NPY1R: variants seen among roughly 807,000 people sequenced by gnomAD.
The protein encoded by NPY1R is neuropeptide Y receptor type 1.
NPY1R carries 10 observed loss-of-function variants against 24.1 expected under a neutral mutation model. The ratio of observed to expected loss-of-function variants is 0.42; its 90% CI spans 0.26 to 0.71. NPY1R has a LOEUF of 0.71. Ranked by LOEUF, NPY1R falls within the 30% of genes least tolerant of loss-of-function variation. The pLI is 0.28. For missense variants in NPY1R, 350 were observed against 458.0 expected, an observed-to-expected ratio of 0.76 and a Z score of 2.15; for synonymous variants, 168 against 165.9, an observed-to-expected ratio of 1.01 and a Z score of -0.10.
chr4:163,342,981 G>GACACACAC (rs142715363), intron 1 of NPY1R, among the ~76,000 whole-genome samples: 1 of 139,138 alleles, frequency 7.2e-6, no homozygotes, highest in South Asian at 2.5e-4. Flanking sequence ...CTCTCTCACA[G>GACACACAC]ACACACACAC....
chr4:163,326,185 T>C lies in NPY1R; in HGVS notation c.370A>G (p.Ile124Val), dbSNP rs748609830. 1.2e-6 allele frequency: 2 copies of C among 1,614,130 alleles called. No individual in the cohort carries two copies. Among genetic ancestry groups the C allele is most frequent in the Middle Eastern group, 1.6e-4 (1 of 6,062 alleles). The change falls in exon 2 of 3, where the codon ATC (isoleucine) becomes GTC (valine). Residue 124 changes from isoleucine to valine, a missense_variant. Coordinates refer to ENST00000296533, the MANE Select transcript of NPY1R (RefSeq NM_000909.6). ...ACCAGAGAGAAAATGGACACAGTGA[T>C]TGAAACACATTGCACAAAAGGATTC... ...KLNPFVQCVSITVSIFSLVLI... is the reference protein window; with the variant it reads ...KLNPFVQCVSVTVSIFSLVLI...
At chr4:163,343,108 A>T (rs538359611) in intron 1 of NPY1R, among the ~76,000 whole-genome samples, 2 of 152,076 alleles carry the variant, frequency 1.3e-5, no homozygotes, top group East Asian at 3.9e-4. Flanking sequence ...TTAGGGATGG[A>T]AATCATGTTG....
At chr4:163,329,545 G>A (rs1197150466) in intron 1 of NPY1R, among the ~76,000 whole-genome samples, 2 of 151,546 alleles carry the variant, frequency 1.3e-5, no homozygotes, top group Non-Finnish European at 1.5e-5. Flanking sequence ...AGGTTGCAGT[G>A]AGCCAAGTTC....
At chr4:163,328,437 T>A (rs1244485129) in intron 1 of NPY1R, among the ~76,000 whole-genome samples, 1 of 152,266 alleles carries the variant, frequency 6.6e-6, no homozygotes, top group African/African-American at 2.4e-5. Flanking sequence ...TCATATTTCC[T>A]ATTTAAGTTG....
At chr4:163,331,882 T>C (rs544927336) in intron 1 of NPY1R, among the ~76,000 whole-genome samples, 1 of 152,224 alleles carries the variant, frequency 6.6e-6, no homozygotes, top group African/African-American at 2.4e-5. Context: ...GCGGCTCGAT[T>C]GCAGCCGAGA....
At position 163,324,707 on chromosome 4, in the gene NPY1R, C is replaced by G. The variant is rs1189016320; in HGVS notation, c.*596G>C. The stretch of plus-strand genomic sequence containing the variant: ...TTTAAATTTTCATTTAAGTGACAAT[C>G]AGTTGGGAGCAAATTAAATCCTCCC... On this transcript the variant is annotated 3_prime_UTR_variant, in exon 3 of 3. Coordinates refer to ENST00000296533, the MANE Select transcript of NPY1R (RefSeq NM_000909.6). 2 of 147,428 alleles carry G rather than the reference C, an allele frequency of 1.4e-5. No homozygotes were observed. The highest frequency in any genetic ancestry group is 3.0e-5 in the Non-Finnish European group (2 of 67,122). The allele number at this position is 147,428 out of a possible 1,614,324, so 9.1% of individuals were successfully genotyped here.
chr4:163,343,000 A>T (rs1735040462), intron 1 of NPY1R, among the ~76,000 whole-genome samples: 1 of 150,162 alleles, frequency 6.7e-6, no homozygotes, highest in Non-Finnish European at 1.5e-5. Context: ...ACACACACAC[A>T]CACACACACA....
chr4:163,325,440 A>G lies in NPY1R; in HGVS notation c.1018T>C (p.Phe340Leu). The G allele has an allele frequency of 1.2e-6, 2 of 1,614,158 alleles. No homozygotes were observed. Among genetic ancestry groups the G allele is most frequent in the Non-Finnish European group, 1.7e-6 (2 of 1,180,004 alleles). ...TCATAATCATCATCCCGAGACCGGA[A>G]ATCACAAAAGTTGAAGAAGAACTGC... Reference protein sequence around the residue: ...DLQFFFNFCDFRSRDDDYETI... With the variant: ...DLQFFFNFCDLRSRDDDYETI... The change falls in exon 3 of 3, where the codon TTC becomes CTC. Residue 340 changes from phenylalanine (F) to leucine (L), a missense_variant. By Grantham distance (22) the Phe-to-Leu change is conservative. Coordinates refer to ENST00000296533, the MANE Select transcript of NPY1R (RefSeq NM_000909.6).
At chr4:163,342,870 G>A (rs926698771) in intron 1 of NPY1R, among the ~76,000 whole-genome samples, 2 of 151,964 alleles carry the variant, frequency 1.3e-5, no homozygotes, top group Admixed American at 6.6e-5. Flanking sequence ...GTATTAAAGG[G>A]TACAATAACT....
At chr4:163,337,431 C>A (rs1195286607), upstream of NPY1R, among the ~76,000 whole-genome samples, 1 of 152,204 alleles carries the variant, frequency 6.6e-6, no homozygotes, top group Non-Finnish European at 1.5e-5. Flanking sequence ...CGGACTCCTT[C>A]TTTTTGGGAT....
upstream of NPY1R, among the ~76,000 whole-genome samples, chr4:163,335,495 G>A (rs1473632234): frequency 6.6e-6 from 1 of 152,200 alleles, no homozygotes; most frequent in Non-Finnish European, 1.5e-5. Context: ...CTAGTCTTCT[G>A]AGGAATTTCT....
chr4:163,344,474 G>C (rs949280127), exon 1 of NPY1R: 2 of 151,898 alleles, frequency 1.3e-5, no homozygotes, highest in South Asian at 2.1e-4. Context: ...CGGGGTGCCC[G>C]GGTCAGGGCT....
At chr4:163,337,313 T>C (rs538285692), upstream of NPY1R, among the ~76,000 whole-genome samples, 42 of 152,320 alleles carry the variant, frequency 2.8e-4, no homozygotes, top group African/African-American at 9.9e-4. Flanking sequence ...GCCTTAAATA[T>C]TACCCAGAAA....
chr4:163,334,410 T>C (rs1734793334), upstream of NPY1R, among the ~76,000 whole-genome samples: 1 of 152,258 alleles, frequency 6.6e-6, no homozygotes, highest in Admixed American at 6.5e-5. Context: ...TTGTATTTTA[T>C]CATTTTATTA....
upstream of NPY1R, among the ~76,000 whole-genome samples, chr4:163,336,993 T>G (rs899992237): frequency 6.9e-4 from 18 of 26,166 alleles, no homozygotes; most frequent in East Asian, 0.013. Context: ...GGAGAAAGTG[T>G]TTTTTTTTTG....
In NPY1R at chr4:163,326,141, T is replaced by C. The variant is rs1734601615; in HGVS notation, c.414A>G (p.Arg138=). ...CTCGAGGGTTGATTATCAGCTGATG[T>C]CGTTCCACAGCAATGAGAACCAGAG... ...IFSLVLIAVE[R]HQLIINPRGW... Residue 138 remains arginine (R), a synonymous_variant, in exon 2 of 3, where the codon CGA becomes CGG. Coordinates refer to ENST00000296533, the MANE Select transcript of NPY1R (RefSeq NM_000909.6). 6.2e-7 allele frequency: 1 copy of C among 1,614,098 alleles called. No individual in the cohort carries two copies. Among genetic ancestry groups the C allele is most frequent in the East Asian group, 2.2e-5 (1 of 44,876 alleles).
intron 1 of NPY1R, among the ~76,000 whole-genome samples, chr4:163,327,258 CTT>C (rs1424759409): frequency 6.6e-6 from 1 of 152,142 alleles, no homozygotes; most frequent in Non-Finnish European, 1.5e-5. Context: ...CATCAAAAAA[CTT>C]TGCCATGAAT....
At chr4:163,327,459 A>G (rs1341587588) in intron 1 of NPY1R, among the ~76,000 whole-genome samples, 1 of 152,204 alleles carries the variant, frequency 6.6e-6, no homozygotes, top group Non-Finnish European at 1.5e-5. Flanking sequence ...CATCATTGTG[A>G]GGAACAAAAG....
chr4:163,331,868 G>T (rs559212837), intron 1 of NPY1R, among the ~76,000 whole-genome samples: 1 of 152,242 alleles, frequency 6.6e-6, no homozygotes, highest in Non-Finnish European at 1.5e-5. Flanking sequence ...CGGTACTGCG[G>T]AGCGCGGCTC....
Sources: gnomAD v4.1 joint callset for allele counts (sites outside exome capture counted in the v4.1 genomes callset) on GRCh38, gnomAD v4.1.1 for gene constraint, MANE v1.5 for transcripts, NCBI Gene and HGNC (gene_info 2026-07-23, HGNC 2026-07-21) for gene names.